The following DIAPH3 variants were observed in gnomAD, a reference collection of about 807,000 sequenced individuals.
The protein encoded by DIAPH3 is diaphanous related formin 3.
A neutral mutation model predicts 144.3 loss-of-function variants in DIAPH3; 117 were observed. The observed-to-expected ratio is 0.81, with a 90% confidence interval of 0.70 to 0.95. The LOEUF (loss-of-function observed/expected upper bound fraction) is 0.95, where lower values mean the gene tolerates loss of function less well. DIAPH3 is among the 40% of genes least tolerant of loss of function. The pLI, the probability that DIAPH3 is intolerant of heterozygous loss-of-function variation, is 0.00. For missense variants in DIAPH3, 1,421 were observed against 1,412.7 expected (o/e 1.01, Z -0.09); for synonymous variants, 519 against 488.9 (o/e 1.06, Z -0.81).
chr13:59,672,060 T>C (rs2032400787), intron 27 of DIAPH3, among the ~76,000 whole-genome samples: 1 of 152,230 alleles, frequency 6.6e-6, no homozygotes, highest in Non-Finnish European at 1.5e-5. Context: ...GAATTATGTA[T>C]ATATATGTGA....
At chr13:59,678,429 C>T (rs2032759154) in intron 27 of DIAPH3, among the ~76,000 whole-genome samples, 1 of 152,172 alleles carries the variant, frequency 6.6e-6, no homozygotes, top group Admixed American at 6.5e-5. Context: ...GAGAGCCCTA[C>T]TCATCCTTAT....
At position 59,979,348 on chromosome 13, in the gene DIAPH3, T is replaced by C. The variant is rs150716002; in HGVS notation, c.1545+1447A>G. The stretch of plus-strand genomic sequence containing the variant: ...AATCAAGTACTTGAAAGTCTACTAC[T>C]ACTTTCCTATGAAGAGTTAAAGTGC... On this transcript the variant is annotated intron_variant, in intron 14 of 27. Coordinates refer to ENST00000400324, the MANE Select transcript of DIAPH3 (RefSeq NM_001042517.2). Among the ~76,000 whole-genome samples the C allele has an allele frequency of 3.6e-3, 540 of 151,756 alleles. 4 individuals are homozygous for C. Among genetic ancestry groups the C allele is most frequent in the African/African-American group, 0.013 (521 of 41,492 alleles).
At chr13:59,853,990 A>G (rs2043123915) in intron 22 of DIAPH3, among the ~76,000 whole-genome samples, 1 of 152,108 alleles carries the variant, frequency 6.6e-6, no homozygotes, top group Non-Finnish European at 1.5e-5. Context: ...AGAACCTCAG[A>G]ATGTGACTTA....
intron 27 of DIAPH3, among the ~76,000 whole-genome samples, chr13:59,725,974 T>A (rs1325741388): frequency 6.6e-6 from 1 of 152,222 alleles, no homozygotes; most frequent in African/African-American, 2.4e-5. Flanking sequence ...TAAAAATTTA[T>A]AATTACTTAT....
chr13:59,716,215 G>A lies in DIAPH3; in HGVS notation c.3320-49369C>T, dbSNP rs899546451. On this transcript the variant is annotated intron_variant, in intron 27 of 27. Transcript: ENST00000400324. ...TTTGAGAAAGACTCTTGCTTTTTCC[G>A]CCCAGGCCAGAGTGCACTGGGGCAA... Among the ~76,000 whole-genome samples the A allele has an allele frequency of 7.9e-5, 12 of 151,756 alleles. No homozygotes were observed. In the East Asian group the frequency reaches 1.9e-3, roughly 24 times the overall value.
chr13:59,679,697 A>C (rs549093845), intron 27 of DIAPH3, among the ~76,000 whole-genome samples: 5 of 152,208 alleles, frequency 3.3e-5, no homozygotes, highest in Admixed American at 6.5e-5. Context: ...AGAAGCCTTA[A>C]AGTATGTGGA....
intron 8 of DIAPH3, among the ~76,000 whole-genome samples, chr13:60,010,063 A>T (rs1213372247): frequency 1.3e-5 from 2 of 152,236 alleles, no homozygotes; most frequent in South Asian, 4.2e-4. Flanking sequence ...AGGACTTTGT[A>T]CCCTCAACCA....
At chr13:59,967,501 G>A (rs777047485) in intron 17 of DIAPH3, among the ~76,000 whole-genome samples, 2 of 152,158 alleles carry the variant, frequency 1.3e-5, no homozygotes, top group African/African-American at 2.4e-5. Context: ...AAGACCACAA[G>A]TAGACCTGTC....
chr13:60,029,428 T>C (rs1460322138), intron 5 of DIAPH3, among the ~76,000 whole-genome samples: 1 of 152,156 alleles, frequency 6.6e-6, no homozygotes, highest in Non-Finnish European at 1.5e-5. Flanking sequence ...CACCCAAATC[T>C]CACCTCAAAT....
Position 59,857,223 on chromosome 13 carries a change from C to T in DIAPH3, c.2737+4184G>A, listed in dbSNP as rs574170132. Among the ~76,000 whole-genome samples, 19 of 152,218 alleles carry T rather than the reference C, an allele frequency of 1.2e-4. No individual in the cohort carries two copies. In the South Asian group the frequency reaches 3.7e-3, roughly 30 times the overall value. ...CAGATAAATTTGAAATTTTCAAACA[C>T]TATAAATTTTCCAGGTGGTTGCCAC... On this transcript the variant is annotated intron_variant, in intron 22 of 27. Transcript: ENST00000400324.
intron 27 of DIAPH3, among the ~76,000 whole-genome samples, chr13:59,703,232 C>T (rs929222442): frequency 6.6e-6 from 1 of 152,028 alleles, no homozygotes; most frequent in African/African-American, 2.4e-5. Flanking sequence ...GAAGACTTCG[C>T]ATGAGTAAAA....
At chr13:59,824,000 AC>A (rs2041229110) in intron 24 of DIAPH3, among the ~76,000 whole-genome samples, 1 of 152,160 alleles carries the variant, frequency 6.6e-6, no homozygotes. Context: ...AATTTTATAA[AC>A]CAAAAATTGA....
intron 25 of DIAPH3, among the ~76,000 whole-genome samples, chr13:59,792,048 T>A (rs1196868153): frequency 6.6e-6 from 1 of 152,128 alleles, no homozygotes; most frequent in East Asian, 1.9e-4. Context: ...ATGAACAATC[T>A]CTCTACTACC....
At chr13:59,859,866 T>A (rs1298316449) in intron 22 of DIAPH3, among the ~76,000 whole-genome samples, 1 of 152,330 alleles carries the variant, frequency 6.6e-6, no homozygotes, top group South Asian at 2.1e-4. Context: ...TTATTTTCCC[T>A]TCTTGAATCC....
intron 22 of DIAPH3, among the ~76,000 whole-genome samples, chr13:59,841,361 A>G (rs541452464): frequency 2.8e-4 from 43 of 152,212 alleles, no homozygotes; most frequent in South Asian, 1.9e-3. Flanking sequence ...GAGCTGAGGT[A>G]GGAGGATCAA....
intron 5 of DIAPH3, among the ~76,000 whole-genome samples, chr13:60,021,290 C>A (rs547924738): frequency 1.1e-3 from 167 of 152,192 alleles, no homozygotes; most frequent in Non-Finnish European, 2.1e-3. Flanking sequence ...TTCTTAATTT[C>A]CCAGCTTGGT....
chr13:59,992,304 A>C, intron 10 of DIAPH3, 118 bp from the exon 11 acceptor site: 1 of 1,044,822 alleles, frequency 9.6e-7, no homozygotes, highest in South Asian at 1.4e-5. Context: ...TCGAACATTT[A>C]AAGTGTTAAA....
In DIAPH3 at chr13:59,784,513, T is replaced by C. The variant is rs555014649; in HGVS notation, c.3164-9690A>G. Among the ~76,000 whole-genome samples the C allele has an allele frequency of 9.6e-4, 146 of 152,226 alleles. 1 individual carries two copies. The highest frequency in any genetic ancestry group is 3.3e-3 in the African/African-American group (136 of 41,544). Reference sequence around the variant, plus strand: ...GCTTCAGCCTTCAGAGTAGCTGGGATTATAGGCATGTGCCACAATGCCTGA... The same window carrying C: ...GCTTCAGCCTTCAGAGTAGCTGGGACTATAGGCATGTGCCACAATGCCTGA... On this transcript the variant is annotated intron_variant, in intron 25 of 27. Transcript: ENST00000400324.
chr13:60,098,927 G>A (rs954127731), intron 3 of DIAPH3, among the ~76,000 whole-genome samples: 3 of 152,060 alleles, frequency 2.0e-5, no homozygotes, highest in African/African-American at 7.2e-5. Context: ...ATCTGAATGA[G>A]GTTAAAATTT....
Sources: gnomAD v4.1 joint callset for allele counts (sites outside exome capture counted in the v4.1 genomes callset) on GRCh38, gnomAD v4.1.1 for gene constraint, MANE v1.5 for transcripts, NCBI Gene and HGNC (gene_info 2026-07-23, HGNC 2026-07-21) for gene names.